HDAC8: variants seen among roughly 807,000 people sequenced by gnomAD.
The protein encoded by HDAC8 is histone deacetylase 8, also known as histone deacetylase-like 1.
In HDAC8, 1 loss-of-function variant was observed where a neutral mutation model predicts 32.2. The ratio of observed to expected loss-of-function variants is 0.03; its 90% CI spans 0.01 to 0.15. The LOEUF (loss-of-function observed/expected upper bound fraction) is 0.15, where lower values mean the gene tolerates loss of function less well. Among genes scored for constraint, HDAC8 ranks in the 10% least tolerant of loss-of-function variants. The probability of loss-of-function intolerance (pLI) is 1.00; values close to 1 mark genes in which losing one functional copy is unlikely to be tolerated. For synonymous variants in HDAC8, 108 were observed against 113.9 expected, an observed-to-expected ratio of 0.95 and a Z score of 0.33; for missense variants, 117 against 300.0, an observed-to-expected ratio of 0.39 and a Z score of 4.51.
intron 5 of HDAC8, among the ~76,000 whole-genome samples, chrX:72,493,422 C>T (rs1255606650): frequency 9.0e-6 from 1 of 111,340 alleles, no homozygotes; most frequent in African/African-American, 3.3e-5. Context: ...GGTTCCATGC[C>T]AGACCTACTA....
intron 9 of HDAC8, among the ~76,000 whole-genome samples, chrX:72,418,095 A>G (rs781832382): frequency 1.8e-5 from 2 of 111,856 alleles, no homozygotes; most frequent in African/African-American, 6.5e-5. Context: ...TAAGATTCAC[A>G]CTATAAAAAT....
intron 4 of HDAC8, among the ~76,000 whole-genome samples, chrX:72,537,152 T>C (rs1241534322): frequency 8.9e-6 from 1 of 112,077 alleles, no homozygotes; most frequent in East Asian, 2.8e-4. Flanking sequence ...TCATTAGCAC[T>C]ATACTCTAAC....
intron 9 of HDAC8, among the ~76,000 whole-genome samples, chrX:72,448,285 T>G (rs1479204257): frequency 8.1e-5 from 9 of 111,307 alleles, no homozygotes; most frequent in Non-Finnish European, 1.7e-4. Context: ...ATGCTGCATA[T>G]CTACAACCCT....
intron 9 of HDAC8, among the ~76,000 whole-genome samples, chrX:72,393,360 G>A (rs1390309680): frequency 9.0e-6 from 1 of 111,681 alleles, no homozygotes; most frequent in East Asian, 2.8e-4. Context: ...AACCAGATGT[G>A]TCTAAAATGT....
intron 9 of HDAC8, among the ~76,000 whole-genome samples, chrX:72,386,865 C>G (rs782285226): frequency 8.9e-6 from 1 of 111,864 alleles, no homozygotes; most frequent in South Asian, 3.8e-4. Context: ...AGCCAAGTCC[C>G]TAAATGCTGA....
At chrX:72,385,890 T>C (rs782303738) in intron 9 of HDAC8, among the ~76,000 whole-genome samples, 1 of 112,204 alleles carries the variant, frequency 8.9e-6, no homozygotes, top group Non-Finnish European at 1.9e-5. Flanking sequence ...CACTGTACTC[T>C]ACCGCCTCTG....
At chrX:72,428,745 C>T (rs1437131435) in intron 9 of HDAC8, among the ~76,000 whole-genome samples, 2 of 111,724 alleles carry the variant, frequency 1.8e-5, no homozygotes, top group African/African-American at 6.5e-5. Flanking sequence ...GAAACCAGTT[C>T]TCTAGTTTCA....
intron 10 of HDAC8, among the ~76,000 whole-genome samples, chrX:72,332,730 C>A (rs1555941010): frequency 9.1e-6 from 1 of 110,465 alleles, no homozygotes; most frequent in Non-Finnish European, 1.9e-5. Flanking sequence ...CGGCTCACTG[C>A]AAACTCCGCC....
chrX:72,535,699 C>T (rs1161221843), intron 4 of HDAC8, among the ~76,000 whole-genome samples: 1 of 111,772 alleles, frequency 8.9e-6, no homozygotes, highest in Non-Finnish European at 1.9e-5. Context: ...CCTGAAAAGT[C>T]ATGTGATAAT....
chrX:72,436,692 C>T (rs781827057), intron 9 of HDAC8, among the ~76,000 whole-genome samples: 52 of 111,759 alleles, frequency 4.7e-4, no homozygotes, highest in Non-Finnish European at 7.5e-4. Flanking sequence ...ATAAAACAGA[C>T]TTTCCTTATC....
rs113087779 is a variant in HDAC8 at position 72,438,747 on chromosome X, G to A, written c.1005+23257C>T. 9.7e-3 allele frequency among the ~76,000 whole-genome samples: 1,084 copies of A among 111,267 alleles called. 9 individuals are homozygous for A. Among genetic ancestry groups the A allele is most frequent in the African/African-American group, 0.027 (822 of 30,598 alleles). On this transcript the variant is annotated intron_variant, in intron 9 of 10. Transcript: ENST00000373573. ...AGATCAACTTAATGAAATGAAGTGT[G>A]AAGACAAGATTAGAGAAAAAAGATT...
At chrX:72,385,500 A>C (rs1459824839) in intron 9 of HDAC8, among the ~76,000 whole-genome samples, 5 of 110,822 alleles carry the variant, frequency 4.5e-5, no homozygotes, top group African/African-American at 1.3e-4. Context: ...GCAAACAAAA[A>C]ACTTGGAAAA....
chrX:72,435,974 G>GA (rs782029858), intron 9 of HDAC8, among the ~76,000 whole-genome samples: 2 of 104,303 alleles, frequency 1.9e-5, no homozygotes, highest in African/African-American at 7.0e-5. Context: ...TCTCAACAAA[G>GA]AAAAAAAAAT....
intron 4 of HDAC8, among the ~76,000 whole-genome samples, chrX:72,521,889 G>T (rs1314416144): frequency 4.5e-5 from 5 of 111,042 alleles, no homozygotes; most frequent in Non-Finnish European, 7.5e-5. Flanking sequence ...GCGCTCTCAT[G>T]CTGGGCTAGC....
intron 9 of HDAC8, among the ~76,000 whole-genome samples, chrX:72,376,234 A>G (rs782602459): frequency 9.0e-6 from 1 of 110,758 alleles, no homozygotes; most frequent in Admixed American, 9.6e-5. Context: ...TATTTCTCTA[A>G]GGTGGGTAGT....
rs563045781 is a variant in HDAC8, at chrX:72,533,353, C to T, written c.437+34536G>A. ...TGGCTATTCTGGGTCCCTTGCATTTCCATATGAATTTTAGAATCATCATAT... is the reference window on the plus strand; with the variant it reads ...TGGCTATTCTGGGTCCCTTGCATTTTCATATGAATTTTAGAATCATCATAT... On this transcript the variant is annotated intron_variant, in intron 4 of 10. Transcript: ENST00000373573. Among the ~76,000 whole-genome samples, 19 of 111,963 alleles carry T rather than the reference C, an allele frequency of 1.7e-4. No individual in the cohort carries two copies. In the Middle Eastern group the frequency reaches 0.014, roughly 82 times the overall value.
intron 9 of HDAC8, among the ~76,000 whole-genome samples, chrX:72,417,361 A>G (rs1555972107): frequency 1.8e-5 from 2 of 112,028 alleles, no homozygotes; most frequent in African/African-American, 6.5e-5. Context: ...AAGTTCCTAC[A>G]TCTGAAAAAC....
chrX:72,569,983 G>C (rs1402423100), intron 2 of HDAC8, among the ~76,000 whole-genome samples: 4 of 112,433 alleles, frequency 3.6e-5, no homozygotes, highest in Admixed American at 9.4e-5. Flanking sequence ...CTGGGCCACA[G>C]GGAGGCAGCA....
At chrX:72,468,034 G>A in intron 7 of HDAC8, 1 of 1,175,497 alleles carries the variant, frequency 8.5e-7, no homozygotes, top group South Asian at 2.0e-5. Context: ...TGAAAAGGTT[G>A]ATAAGAAGCT....
Sources: allele counts gnomAD v4.1 joint callset (sites outside exome capture counted in the v4.1 genomes callset), GRCh38; gene constraint gnomAD v4.1.1; transcripts MANE v1.5; gene names NCBI Gene and HGNC (gene_info 2026-07-23, HGNC 2026-07-21).